Variants in TBCB observed in about 807,000 individuals in gnomAD.
The protein encoded by TBCB is tubulin-folding cofactor B.
Under a neutral mutation model 29.2 loss-of-function variants are expected in TBCB, and 18 were observed. The ratio of observed to expected loss-of-function variants is 0.62; its 90% confidence interval spans 0.43 to 0.91. The LOEUF (loss-of-function observed/expected upper bound fraction) is 0.91, where lower values mean the gene tolerates loss of function less well. Among genes scored for constraint, TBCB ranks in the 40% least tolerant of loss-of-function variants. The probability of loss-of-function intolerance (pLI) is 0.00; values close to 1 mark genes in which losing one functional copy is unlikely to be tolerated. For synonymous variants in TBCB, 172 were observed against 137.8 expected, an observed-to-expected ratio of 1.25 and a Z score of -1.74; for missense variants, 336 against 337.6, an observed-to-expected ratio of 1.00 and a Z score of 0.04.
chr19:36,115,769 C>A (rs973602637), intron 1 of TBCB, 95 bp downstream of exon 1: 2 of 1,259,664 alleles, frequency 1.6e-6, no homozygotes, highest in Non-Finnish European at 2.2e-6. Context: ...AGTGACTGGG[C>A]GGGCCCGGAG....
chr19:36,114,982 C>T, upstream of TBCB: 1 of 951,932 alleles, frequency 1.1e-6, no homozygotes, highest in Non-Finnish European at 1.6e-6. The surrounding 1 kb of genome is among the most constrained non-coding windows in gnomAD (Gnocchi z 4.5). Context: ...CGTGCTGGCT[C>T]CCCGCCGCCT....
intron 4 of TBCB, 64 bp from the exon 5 acceptor site, chr19:36,125,387 T>A (rs946376504): frequency 6.3e-7 from 1 of 1,580,946 alleles, no homozygotes. Context: ...AGGGTGATCC[T>A]GAAATTTCAT....
intron 2 of TBCB, 97 bp downstream of exon 2, chr19:36,116,281 A>G: frequency 1.3e-6 from 2 of 1,515,786 alleles, no homozygotes; most frequent in Non-Finnish European, 1.8e-6. Flanking sequence ...TACCCGAGAT[A>G]GGTCCTGCCT....
rs972379638 is a variant in TBCB at position 36,120,923 on chromosome 19, C to T, written c.355+117C>T. 3.2e-5 allele frequency: 30 copies of T among 933,574 alleles called. No individual in the cohort carries two copies. The Admixed American group carries it at 4.5e-4, about 14-fold the overall frequency. 57.8% of individuals were successfully genotyped at this position (933,574 alleles called of 1,614,324 possible). A position where few individuals can be genotyped will look rare whatever the true frequency, so the allele number is the denominator to read the frequency against. On this transcript the variant is annotated intron_variant, in intron 3 of 5. Coordinates refer to ENST00000221855, the MANE Select transcript of TBCB (RefSeq NM_001281.3). ...GAGGCCAGTGGTGTAGACGGGGGGC[C>T]GAGAGCTTGGGAGGATATAGGGGTG...
At chr19:36,123,159 C>T (rs528465448) in intron 4 of TBCB, among the ~76,000 whole-genome samples, 3 of 152,182 alleles carry the variant, frequency 2.0e-5, no homozygotes, top group South Asian at 2.1e-4. Flanking sequence ...CTGCATTGAG[C>T]GCCTAGACCA....
chr19:36,116,214 C>G (rs1433714521), intron 2 of TBCB, 30 bp downstream of exon 2: 1 of 1,607,218 alleles, frequency 6.2e-7, no homozygotes. Flanking sequence ...GACACTCCCC[C>G]ACCCCACCTT....
rs11545600 is a variant in TBCB at position 36,115,545 on chromosome 19, C to T, written c.-16C>T. On this transcript the variant is annotated 5_prime_UTR_variant, in exon 1 of 6. Transcript: ENST00000221855. ...GCGGCTGGACCGCGCTGCAGGCATC[C>T]GCAGGGCGCGGCAAGATGGAGGTGA... 1.2e-5 allele frequency: 19 copies of T among 1,587,848 alleles called. No individual in the cohort carries two copies. The highest frequency in any genetic ancestry group is 2.3e-5 in the East Asian group (1 of 43,064).
rs895128582 is a variant in TBCB at position 36,115,524 on chromosome 19, C to T, written c.-37C>T. On this transcript the variant is annotated 5_prime_UTR_variant, in exon 1 of 6. Coordinates refer to ENST00000221855, the MANE Select transcript of TBCB (RefSeq NM_001281.3). ...CGGCTGCGGAGCGGGTGTGAGGCGG[C>T]TGGACCGCGCTGCAGGCATCCGCAG... 6 of 1,523,060 alleles carry T rather than the reference C, an allele frequency of 3.9e-6. No homozygotes were observed. Among genetic ancestry groups the T allele is most frequent in the Non-Finnish European group, 5.4e-6 (6 of 1,120,260 alleles). 94.3% of individuals were successfully genotyped at this position (1,523,060 alleles called of 1,614,324 possible). A position where few individuals can be genotyped will look rare whatever the true frequency, so the allele number is the denominator to read the frequency against.
intron 2 of TBCB, among the ~76,000 whole-genome samples, chr19:36,118,149 C>G (rs756513984): frequency 5.9e-5 from 9 of 152,124 alleles, no homozygotes; most frequent in Non-Finnish European, 1.3e-4. Flanking sequence ...CTTCTTTTTT[C>G]TCTCGTTGAT....
Position 36,121,539 on chromosome 19 carries a change from C to CT in TBCB, c.371dup (p.Leu125ProfsTer42). 1 of 1,558,898 alleles carries CT rather than the reference C, an allele frequency of 6.4e-7. No individual in the cohort carries two copies. The highest frequency in any genetic ancestry group is 8.7e-7 in the Non-Finnish European group (1 of 1,153,752). ...CCTCTGCCCACAGACACGGTCCGCT[C>CT]TTTCCTGAAGCGCAGCAAGCTCGGC... is the stretch of plus-strand genomic sequence containing the variant. On this transcript the variant is annotated frameshift_variant, in exon 4 of 6. Coordinates refer to ENST00000221855, the MANE Select transcript of TBCB (RefSeq NM_001281.3). LOFTEE classifies it high-confidence loss of function.
Position 36,115,556 on chromosome 19 carries a change from G to A in TBCB, c.-5G>A, listed in dbSNP as rs1387752988. ...GCGCTGCAGGCATCCGCAGGGCGCG[G>A]CAAGATGGAGGTGACGGGGGTGTCG... On this transcript the variant is annotated 5_prime_UTR_variant, in exon 1 of 6. Coordinates refer to ENST00000221855, the MANE Select transcript of TBCB (RefSeq NM_001281.3). 4 of 1,600,804 alleles carry A rather than the reference G, an allele frequency of 2.5e-6. No homozygotes were observed. The highest frequency in any genetic ancestry group is 4.6e-5 in the East Asian group (2 of 43,892).
Position 36,115,507 on chromosome 19 carries a change from G to T in TBCB, c.-54G>T. The T allele has an allele frequency of 2.1e-6, 3 of 1,396,988 alleles. No homozygotes were observed. The highest frequency in any genetic ancestry group is 3.0e-6 in the Non-Finnish European group (3 of 1,013,556). The allele number at this position is 1,396,988 out of a possible 1,614,324, so 86.5% of individuals were successfully genotyped here. ...AGCAGCAGCGGCGGCGGCGGCTGCGGAGCGGGTGTGAGGCGGCTGGACCGC... is the reference window on the plus strand; with the variant it reads ...AGCAGCAGCGGCGGCGGCGGCTGCGTAGCGGGTGTGAGGCGGCTGGACCGC... On this transcript the variant is annotated 5_prime_UTR_variant, in exon 1 of 6. Coordinates refer to ENST00000221855, the MANE Select transcript of TBCB (RefSeq NM_001281.3).
At chr19:36,115,168 G>C (rs1367238268), upstream of TBCB, 2 of 558,106 alleles carry the variant, frequency 3.6e-6, no homozygotes, top group Non-Finnish European at 6.3e-6. Context: ...GAGCATCCAG[G>C]ACAGAAGCCA....
chr19:36,121,993 G>A (rs553901841), intron 4 of TBCB: 5 of 538,150 alleles, frequency 9.3e-6, no homozygotes, highest in South Asian at 6.3e-5. Flanking sequence ...GCTTCGAAGC[G>A]TGGGGCAGTG....
intron 1 of TBCB, 68 bp downstream of exon 1, chr19:36,115,742 G>GC: frequency 7.7e-7 from 1 of 1,294,714 alleles, no homozygotes; most frequent in Non-Finnish European, 1.1e-6. Flanking sequence ...GAAGGGGGAG[G>GC]CTGGGAGGGG....
intron 2 of TBCB, among the ~76,000 whole-genome samples, chr19:36,117,575 C>T (rs1329109469): frequency 6.6e-6 from 1 of 152,068 alleles, no homozygotes; most frequent in Admixed American, 6.5e-5. Context: ...TGGTCTTGAA[C>T]TCCTGACCTC....
upstream of TBCB, chr19:36,115,262 C>T (rs45471297): frequency 4.9e-5 from 26 of 530,364 alleles, no homozygotes; most frequent in African/African-American, 5.0e-4. Flanking sequence ...CTCCTACCTC[C>T]GGGCTTCAGT....
At position 36,125,756 on chromosome 19, in the gene TBCB, G is replaced by A. The variant is rs1974128607; in HGVS notation, c.709G>A (p.Glu237Lys). ...CGTGACGGTGGGGGACTTCCCGGAG[G>A]AGGACTACGGGTTGGACGAGATATG... ...AVVTVGDFPE[E>K]DYGLDEI Residue 237 changes from glutamate (E) to lysine (K), a missense_variant, in exon 6 of 6, where the codon GAG becomes AAG. By Grantham distance (56) the Glu-to-Lys change is moderately conservative. Transcript: ENST00000221855. 1 of 1,555,958 alleles carries A rather than the reference G, an allele frequency of 6.4e-7. No individual in the cohort carries two copies. Among genetic ancestry groups the A allele is most frequent in the South Asian group, 1.2e-5 (1 of 81,140 alleles).
chr19:36,125,529 A>G lies in TBCB; in HGVS notation c.620+6A>G, dbSNP rs2145912151. On this transcript the variant is annotated splice_donor_region_variant and intron_variant, in intron 5 of 5. Coordinates refer to ENST00000221855, the MANE Select transcript of TBCB (RefSeq NM_001281.3). ...CTGGGGAAAAATGATGGCAGGTAAC[A>G]AGAATTCCCACTCAGGTGTCTGTGT... The G allele has an allele frequency of 6.2e-7, 1 of 1,614,210 alleles. No homozygotes were observed.
Sources: gnomAD v4.1 joint callset for allele counts (sites outside exome capture counted in the v4.1 genomes callset) on GRCh38, gnomAD v4.1.1 for gene constraint, Gnocchi (gnomAD v3.1) non-coding constraint, MANE v1.5 for transcripts, NCBI Gene and HGNC (gene_info 2026-07-23, HGNC 2026-07-21) for gene names.